FSIP1: variants seen among roughly 807,000 people sequenced by gnomAD.
FSIP1 encodes fibrous sheath-interacting protein 1.
A neutral mutation model predicts 60.9 loss-of-function variants in FSIP1; 65 were observed. The ratio of observed to expected loss-of-function variants is 1.07; its 90% CI spans 0.87 to 1.31. The LOEUF is 1.31. Ranked by LOEUF, FSIP1 falls within the 40% of genes most tolerant of loss-of-function variation. FSIP1 has a pLI of 0.00. For synonymous variants in FSIP1, 209 were observed against 221.2 expected (o/e 0.94, Z 0.49); for missense variants, 675 against 665.5 (o/e 1.01, Z -0.16).
intron 2 of FSIP1, among the ~76,000 whole-genome samples, chr15:39,771,359 C>T (rs1897879986): frequency 2.0e-5 from 3 of 152,184 alleles, no homozygotes. Flanking sequence ...GAGAGACTGT[C>T]TCCTCCAGCC....
At chr15:39,637,571 C>T (rs1186512369) in intron 10 of FSIP1, among the ~76,000 whole-genome samples, 3 of 152,218 alleles carry the variant, frequency 2.0e-5, no homozygotes, top group African/African-American at 7.2e-5. Context: ...TCACTGTACA[C>T]ATTGAGTAGA....
intron 10 of FSIP1, among the ~76,000 whole-genome samples, chr15:39,643,314 T>A (rs1892455556): frequency 6.6e-6 from 1 of 152,232 alleles, no homozygotes; most frequent in Non-Finnish European, 1.5e-5. Flanking sequence ...TGTTTCCTTC[T>A]TACGGTTTCA....
chr15:39,623,207 G>A (rs16969410), intron 10 of FSIP1, among the ~76,000 whole-genome samples: 22,423 of 152,042 alleles, frequency 0.15, 1,849 homozygotes, highest in East Asian at 0.32. Context: ...CTATATATCC[G>A]GAGTTTCTCC....
intron 11 of FSIP1, among the ~76,000 whole-genome samples, chr15:39,616,978 C>G (rs557421236): frequency 1.3e-5 from 2 of 152,260 alleles, no homozygotes; most frequent in East Asian, 3.9e-4. Context: ...TCAGTGATGA[C>G]TCAGATTTTG....
At chr15:39,745,939 C>T (rs1896977872) in intron 5 of FSIP1, among the ~76,000 whole-genome samples, 1 of 152,010 alleles carries the variant, frequency 6.6e-6, no homozygotes, top group Non-Finnish European at 1.5e-5. Context: ...ATTAGCCGGG[C>T]ATGGTGGCAT....
intron 10 of FSIP1, among the ~76,000 whole-genome samples, chr15:39,669,376 C>T (rs1893628324): frequency 6.6e-6 from 1 of 152,192 alleles, no homozygotes; most frequent in South Asian, 2.1e-4. Context: ...TCCTAATAAA[C>T]ATCCTGTACC....
intron 6 of FSIP1, among the ~76,000 whole-genome samples, chr15:39,740,482 A>C (rs936436888): frequency 1.3e-5 from 2 of 152,186 alleles, no homozygotes; most frequent in African/African-American, 4.8e-5. Flanking sequence ...ATATTCTAAA[A>C]CAAGATCATG....
At chr15:39,762,728 A>G (rs1595396934) in intron 5 of FSIP1, among the ~76,000 whole-genome samples, 1 of 152,208 alleles carries the variant, frequency 6.6e-6, no homozygotes, top group South Asian at 2.1e-4. Flanking sequence ...AGGCCTGGAA[A>G]TGGCATAGTA....
At chr15:39,780,438 T>C (rs528632311) in intron 1 of FSIP1, among the ~76,000 whole-genome samples, 1 of 152,048 alleles carries the variant, frequency 6.6e-6, no homozygotes, top group Non-Finnish European at 1.5e-5. Flanking sequence ...GGCAGGAGAA[T>C]GGCCTGAACC....
chr15:39,632,408 G>A (rs1891933513), intron 10 of FSIP1, among the ~76,000 whole-genome samples: 1 of 152,116 alleles, frequency 6.6e-6, no homozygotes, highest in Non-Finnish European at 1.5e-5. Context: ...GAACTCCTGA[G>A]CTCAAGCAAT....
intron 8 of FSIP1, among the ~76,000 whole-genome samples, chr15:39,734,251 A>G (rs941214059): frequency 2.0e-5 from 3 of 152,218 alleles, no homozygotes; most frequent in African/African-American, 7.2e-5. Context: ...CAAACACTCA[A>G]AAATTATCCA....
chr15:39,621,226 A>G (rs1891431353), intron 10 of FSIP1, among the ~76,000 whole-genome samples: 1 of 152,190 alleles, frequency 6.6e-6, no homozygotes, highest in Non-Finnish European at 1.5e-5. Flanking sequence ...GTGCTTACAG[A>G]AATGTTTGCT....
chr15:39,704,481 C>A (rs1895186212), intron 10 of FSIP1, among the ~76,000 whole-genome samples: 1 of 152,128 alleles, frequency 6.6e-6, no homozygotes, highest in Non-Finnish European at 1.5e-5. Flanking sequence ...TTGTGGGTGG[C>A]CACAAATCTT....
At chr15:39,611,572 G>A (rs538312900) in intron 11 of FSIP1, among the ~76,000 whole-genome samples, 2 of 152,222 alleles carry the variant, frequency 1.3e-5, no homozygotes, top group African/African-American at 4.8e-5. Flanking sequence ...AAACCACAAA[G>A]GAAAGTAGCA....
chr15:39,626,622 AGTT>A, intron 10 of FSIP1, among the ~76,000 whole-genome samples: 1 of 152,252 alleles, frequency 6.6e-6, no homozygotes, highest in Middle Eastern at 3.4e-3. Context: ...ATAGTGAGAA[AGTT>A]CTCACAAGAT....
chr15:39,647,412 AAG>A (rs200911253), intron 10 of FSIP1, among the ~76,000 whole-genome samples: 1,739 of 152,296 alleles, frequency 0.011, 44 homozygotes, highest in African/African-American at 0.039. Context: ...GGTCAAAAAA[AAG>A]AGATACAAAA....
intron 5 of FSIP1, among the ~76,000 whole-genome samples, chr15:39,743,956 T>C (rs1896892970): frequency 6.6e-6 from 1 of 152,192 alleles, no homozygotes; most frequent in Non-Finnish European, 1.5e-5. Flanking sequence ...GGTATGACAA[T>C]AATGTAATGC....
chr15:39,673,786 T>C (rs1484210172), intron 10 of FSIP1, among the ~76,000 whole-genome samples: 1 of 152,126 alleles, frequency 6.6e-6, no homozygotes, highest in Non-Finnish European at 1.5e-5. Flanking sequence ...CTATCAAGTG[T>C]TTCTCTTCAA....
chr15:39,777,183 C>T (rs186805967), intron 1 of FSIP1, among the ~76,000 whole-genome samples: 5 of 152,178 alleles, frequency 3.3e-5, no homozygotes, highest in African/African-American at 9.6e-5. Context: ...ATCCGCCCAC[C>T]TCGGTCTCCC....
Sources: allele counts gnomAD v4.1 joint callset (sites outside exome capture counted in the v4.1 genomes callset), GRCh38; gene constraint gnomAD v4.1.1; transcripts MANE v1.5; gene names NCBI Gene and HGNC (gene_info 2026-07-23, HGNC 2026-07-21).